Variants in GRID1 observed in about 807,000 individuals in gnomAD.
GRID1 encodes the protein glutamate receptor ionotropic, delta-1.
A neutral mutation model predicts 98.0 loss-of-function variants in GRID1; 28 were observed. The observed-to-expected ratio is 0.29, with a 90% CI of 0.21 to 0.39. The LOEUF (loss-of-function observed/expected upper bound fraction) is 0.39, where lower values mean the gene tolerates loss of function less well. GRID1 is among the 10% of genes least tolerant of loss of function. The pLI, the probability that GRID1 is intolerant of heterozygous loss-of-function variation, is 1.00. For synonymous variants in GRID1, 553 were observed against 538.5 expected, an observed-to-expected ratio of 1.03 and a Z score of -0.37; for missense variants, 1,111 against 1,340.5, an observed-to-expected ratio of 0.83 and a Z score of 2.67.
rs559133480 is a variant in GRID1, at chr10:85,893,620, A to G, written c.780+22566T>C. The stretch of plus-strand genomic sequence containing the variant: ...CAATTGCAAATCTAAATGAAAAAAG[A>G]AACACCATTTACAATTATAGGAAAC... On this transcript the variant is annotated intron_variant, in intron 5 of 15. Coordinates refer to ENST00000327946, the MANE Select transcript of GRID1 (RefSeq NM_017551.3). Among the ~76,000 whole-genome samples the G allele has an allele frequency of 5.3e-5, 8 of 152,368 alleles. No homozygotes were observed. The East Asian group carries it at 1.5e-3, about 29-fold the overall frequency.
At chr10:85,795,386 C>T (rs983466648) in intron 8 of GRID1, among the ~76,000 whole-genome samples, 2 of 152,190 alleles carry the variant, frequency 1.3e-5, no homozygotes, top group Admixed American at 6.5e-5. Flanking sequence ...GTCAGTCTTA[C>T]AAGACGCACC....
intron 12 of GRID1, among the ~76,000 whole-genome samples, chr10:85,666,966 A>C (rs1841026141): frequency 6.6e-6 from 1 of 152,104 alleles, no homozygotes. Context: ...TATTTCGCAG[A>C]TCTCCCTACT....
At chr10:86,099,926 C>T (rs1417168205) in intron 4 of GRID1, among the ~76,000 whole-genome samples, 1 of 152,206 alleles carries the variant, frequency 6.6e-6, no homozygotes, top group Non-Finnish European at 1.5e-5. Context: ...GGGCCAACTT[C>T]AGCACCCTCA....
intron 8 of GRID1, among the ~76,000 whole-genome samples, chr10:85,834,246 AC>A (rs1172632464): frequency 1.3e-5 from 2 of 152,178 alleles, no homozygotes; most frequent in East Asian, 3.9e-4. Context: ...GAAAGAAACT[AC>A]CCAGAAGAAT....
At chr10:85,792,413 A>C (rs938213708) in intron 8 of GRID1, among the ~76,000 whole-genome samples, 1 of 152,162 alleles carries the variant, frequency 6.6e-6, no homozygotes, top group Non-Finnish European at 1.5e-5. Flanking sequence ...GGTGCCTTTC[A>C]ATATTTTTAA....
chr10:85,604,460 C>G (rs936271675), intron 15 of GRID1, among the ~76,000 whole-genome samples: 2 of 152,136 alleles, frequency 1.3e-5, no homozygotes, highest in Non-Finnish European at 2.9e-5. Context: ...GGCACAGTCA[C>G]AACTTCAGTG....
chr10:86,320,042 G>T (rs1434441822), intron 2 of GRID1, among the ~76,000 whole-genome samples: 1 of 152,232 alleles, frequency 6.6e-6, no homozygotes. Flanking sequence ...GGGCCCAGAG[G>T]CCCAATGTGG....
intron 6 of GRID1, among the ~76,000 whole-genome samples, chr10:85,859,113 A>T (rs753003608): frequency 6.6e-6 from 1 of 152,174 alleles, no homozygotes; most frequent in Non-Finnish European, 1.5e-5. Context: ...ATCACCCTAG[A>T]TGTACCCCTC....
chr10:85,623,900 T>C (rs1398378824), intron 13 of GRID1, among the ~76,000 whole-genome samples: 1 of 152,198 alleles, frequency 6.6e-6, no homozygotes, highest in Non-Finnish European at 1.5e-5. Context: ...CTAGCTTCCT[T>C]TCAACCTTGT....
chr10:85,949,585 C>CTGCCACATT (rs1347340117), intron 4 of GRID1, among the ~76,000 whole-genome samples: 2 of 152,026 alleles, frequency 1.3e-5, no homozygotes, highest in Non-Finnish European at 2.9e-5. Flanking sequence ...ATGGATGGTG[C>CTGCCACATT]TGCCACATTG....
At chr10:85,662,047 G>C (rs1242512370) in intron 12 of GRID1, among the ~76,000 whole-genome samples, 1 of 152,236 alleles carries the variant, frequency 6.6e-6, no homozygotes, top group African/African-American at 2.4e-5. Context: ...GGCCAGGTAG[G>C]AGGAACACAG....
chr10:85,803,932 TA>T (rs1234855852), intron 8 of GRID1, among the ~76,000 whole-genome samples: 3 of 151,972 alleles, frequency 2.0e-5, no homozygotes, highest in East Asian at 1.9e-4. Flanking sequence ...TGAATATTTA[TA>T]TTTTTTTAAA....
chr10:85,613,698 C>A (rs746300016), intron 14 of GRID1, 51 bp from the exon 15 acceptor site: 1 of 1,575,412 alleles, frequency 6.3e-7, no homozygotes, highest in Admixed American at 1.7e-5. Flanking sequence ...ATCAACTCAG[C>A]CACCGGGGCC....
intron 12 of GRID1, among the ~76,000 whole-genome samples, chr10:85,656,558 A>G (rs1372244332): frequency 6.6e-6 from 1 of 152,178 alleles, no homozygotes; most frequent in African/African-American, 2.4e-5. Flanking sequence ...CACACTAAAC[A>G]TGCTCAAACT....
chr10:86,062,972 G>T (rs1480983023), intron 4 of GRID1, among the ~76,000 whole-genome samples: 1 of 152,242 alleles, frequency 6.6e-6, no homozygotes, highest in Non-Finnish European at 1.5e-5. Flanking sequence ...AGGGTGGTGG[G>T]TCCTACCCAG....
intron 8 of GRID1, among the ~76,000 whole-genome samples, chr10:85,771,493 G>T (rs1170622715): frequency 2.0e-5 from 3 of 151,964 alleles, no homozygotes; most frequent in African/African-American, 7.3e-5. Flanking sequence ...AAATGTAAAT[G>T]GACTAAATGC....
intron 4 of GRID1, among the ~76,000 whole-genome samples, chr10:86,074,155 T>C (rs903845578): frequency 1.3e-5 from 2 of 152,228 alleles, no homozygotes; most frequent in Non-Finnish European, 2.9e-5. Flanking sequence ...ATTTGGTTAC[T>C]TGCATGTTAT....
At position 86,219,882 on chromosome 10, in the gene GRID1, C is replaced by T. The variant is rs1589415391; in HGVS notation, c.236-13234G>A. 2.0e-5 allele frequency among the ~76,000 whole-genome samples: 3 copies of T among 152,250 alleles called. No individual in the cohort carries two copies. In the South Asian group the frequency reaches 6.2e-4, roughly 32 times the overall value. On this transcript the variant is annotated intron_variant, in intron 2 of 15. Coordinates refer to ENST00000327946, the MANE Select transcript of GRID1 (RefSeq NM_017551.3). Reference sequence around the variant, plus strand: ...TCTGTCCAGCCAGTCCACAGATGCTCCCCCCGGGAGGCAGCCTGGGCTGTG... The same window carrying T: ...TCTGTCCAGCCAGTCCACAGATGCTTCCCCCGGGAGGCAGCCTGGGCTGTG...
At chr10:85,953,353 G>A (rs1355431773) in intron 4 of GRID1, among the ~76,000 whole-genome samples, 1 of 152,060 alleles carries the variant, frequency 6.6e-6, no homozygotes, top group Non-Finnish European at 1.5e-5. Context: ...AACACACACT[G>A]GGGCCTATTA....
Sources: gnomAD v4.1 joint callset for allele counts (sites outside exome capture counted in the v4.1 genomes callset) on GRCh38, gnomAD v4.1.1 for gene constraint, MANE v1.5 for transcripts, NCBI Gene and HGNC (gene_info 2026-07-23, HGNC 2026-07-21) for gene names.